DVL3: variants seen among roughly 807,000 people sequenced by gnomAD.
The protein encoded by DVL3 is dishevelled segment polarity protein 3.
DVL3 carries 27 observed loss-of-function variants against 67.4 expected under a neutral mutation model. The ratio of observed to expected loss-of-function variants is 0.40; its 90% CI spans 0.30 to 0.55. The LOEUF is 0.55. Ranked by LOEUF, DVL3 falls within the 20% of genes least tolerant of loss-of-function variation. The pLI is 0.46. For missense variants in DVL3, 819 were observed against 1,021.5 expected (o/e 0.80, Z 2.70); for synonymous variants, 369 against 396.8 (o/e 0.93, Z 0.83).
Position 184,166,762 on chromosome 3 carries a change from T to G in DVL3, c.1049-64T>G. The G allele has an allele frequency of 6.2e-7, 1 of 1,613,020 alleles. No homozygotes were observed. The highest frequency in any genetic ancestry group is 8.5e-7 in the Non-Finnish European group (1 of 1,179,342). ...TCTTCTCTCACCCAGAACCCCCATATCTATCCTGTTGGGCCCAGCAGTGGG... is the reference window on the plus strand; with the variant it reads ...TCTTCTCTCACCCAGAACCCCCATAGCTATCCTGTTGGGCCCAGCAGTGGG... On this transcript the variant is annotated intron_variant, in intron 10 of 14. Coordinates refer to ENST00000313143, the MANE Select transcript of DVL3 (RefSeq NM_004423.4). This position sits in a 1 kb window ranked among gnomAD's most constrained non-coding sequence, Gnocchi z 6.7.
rs1186495087 is a variant in DVL3 at position 184,166,543 on chromosome 3, T to C, written c.980+21T>C. ...CCGGGGTATGGATGGAATGGGGCAC[T>C]GGGCAAGGGGCTTGGTCTGGCCTAT... On this transcript the variant is annotated intron_variant, in intron 9 of 14. Coordinates refer to ENST00000313143, the MANE Select transcript of DVL3 (RefSeq NM_004423.4). This position sits in a 1 kb window ranked among gnomAD's most constrained non-coding sequence, Gnocchi z 6.7. 6.2e-7 allele frequency: 1 copy of C among 1,614,136 alleles called. No individual in the cohort carries two copies. Among genetic ancestry groups the C allele is most frequent in the Admixed American group, 1.7e-5 (1 of 60,014 alleles).
intron 1 of DVL3, chr3:184,156,531 T>C (rs2109017242): frequency 2.2e-6 from 1 of 453,812 alleles, no homozygotes; most frequent in African/African-American, 2.0e-5. Flanking sequence ...GGGGCCTGGG[T>C]GGGATAGCCA....
At position 184,166,322 on chromosome 3, in the gene DVL3, A is replaced by G. The variant is rs572345636; in HGVS notation, c.903+57A>G. The G allele has an allele frequency of 1.9e-6, 3 of 1,606,314 alleles. No homozygotes were observed. The highest frequency in any genetic ancestry group is 2.2e-5 in the East Asian group (1 of 44,788). ...ATAGAGGGCAGGGAGGTGTCCTACC[A>G]TCTGTACCCTGCTCCTTCAGAGGCC... On this transcript the variant is annotated intron_variant, in intron 8 of 14. Transcript: ENST00000313143. The surrounding 1 kb of genome is among the most constrained non-coding windows in gnomAD (Gnocchi z 6.7).
At position 184,155,929 on chromosome 3, in the gene DVL3, A is replaced by ATTTGGGCCCC. The variant is rs1577042721; in HGVS notation, c.161+139_161+148dup. The ATTTGGGCCCC allele has an allele frequency of 3.5e-6, 4 of 1,134,474 alleles. No individual in the cohort carries two copies. The East Asian group carries it at 1.0e-4, about 29-fold the overall frequency. 70.3% of individuals were successfully genotyped at this position (1,134,474 alleles called of 1,614,324 possible). A position where few individuals can be genotyped will look rare whatever the true frequency, so the allele number is the denominator to read the frequency against. ...CTGACTTCTAGGGGCGACTCGGCCC[A>ATTTGGGCCCC]TTTGGGCCCCTTTGGTTCCAGCCCC... On this transcript the variant is annotated intron_variant, in intron 1 of 14. Transcript: ENST00000313143. This position sits in a 1 kb window ranked among gnomAD's most constrained non-coding sequence, Gnocchi z 5.4.
Position 184,170,292 on chromosome 3 carries a change from C to G in DVL3, c.1715-27C>G, listed in dbSNP as rs758154679. On this transcript the variant is annotated intron_variant, in intron 14 of 14. Transcript: ENST00000313143. The surrounding 1 kb of genome is among the most constrained non-coding windows in gnomAD (Gnocchi z 6.5). Reference sequence around the variant, plus strand: ...CTTCCCCCGCCCGCTCAGCCTGCCCCACCCCGGCCCTGTTTGCCTCCTACA... The same window carrying G: ...CTTCCCCCGCCCGCTCAGCCTGCCCGACCCCGGCCCTGTTTGCCTCCTACA... The G allele has an allele frequency of 2.6e-5, 41 of 1,591,110 alleles. No homozygotes were observed. Among genetic ancestry groups the G allele is most frequent in the Non-Finnish European group, 3.3e-5 (39 of 1,168,482 alleles).
chr3:184,165,011 G>C lies in DVL3; in HGVS notation c.599+80G>C. ...AACCCTGAGGATGCGGGGCCCCTGG[G>C]AGGCTTATGGGCTTTGTGTTGGGGA... On this transcript the variant is annotated intron_variant, in intron 5 of 14. Transcript: ENST00000313143. This position sits in a 1 kb window ranked among gnomAD's most constrained non-coding sequence, Gnocchi z 4.1. The C allele has an allele frequency of 6.2e-7, 1 of 1,609,328 alleles. No individual in the cohort carries two copies. The highest frequency in any genetic ancestry group is 8.5e-7 in the Non-Finnish European group (1 of 1,177,218).
chr3:184,169,602 C>T (rs1484084066), intron 13 of DVL3, among the ~76,000 whole-genome samples: 1 of 152,120 alleles, frequency 6.6e-6, no homozygotes, highest in Non-Finnish European at 1.5e-5. Context: ...GCAGGAGAAT[C>T]GCTTAAACCA....
At position 184,171,003 on chromosome 3, in the gene DVL3, C is replaced by T; in HGVS notation, c.*248C>T. 6.8e-7 allele frequency: 1 copy of T among 1,462,914 alleles called. No homozygotes were observed. The highest frequency in any genetic ancestry group is 9.1e-7 in the Non-Finnish European group (1 of 1,102,556). The allele number at this position is 1,462,914 out of a possible 1,614,324, so 90.6% of individuals were successfully genotyped here. ...CCACTAATCCCTGCGCAGGACTTCC[C>T]AGGACCCCTTTTGTCTCTGGGACCA... is the stretch of plus-strand genomic sequence containing the variant. On this transcript the variant is annotated 3_prime_UTR_variant, in exon 15 of 15. Coordinates refer to ENST00000313143, the MANE Select transcript of DVL3 (RefSeq NM_004423.4).
intron 1 of DVL3, among the ~76,000 whole-genome samples, chr3:184,158,140 G>A (rs1714259259): frequency 1.3e-5 from 2 of 152,124 alleles, no homozygotes; most frequent in African/African-American, 2.4e-5. Context: ...TCTGAGACCA[G>A]CCTTGGCAAC....
intron 13 of DVL3, 80 bp downstream of exon 13, chr3:184,168,145 G>A (rs1253212402): frequency 2.0e-6 from 3 of 1,526,452 alleles, no homozygotes; most frequent in Non-Finnish European, 2.7e-6. Context: ...GCAGACTCTG[G>A]GGAACCCAAA....
At chr3:184,156,431 A>C (rs1430662144) in intron 1 of DVL3, 2 of 456,716 alleles carry the variant, frequency 4.4e-6, no homozygotes, top group Non-Finnish European at 8.8e-6. Flanking sequence ...CCTGCGGAGT[A>C]GTCCTCACTG....
In DVL3 at chr3:184,166,114, T is replaced by G. The variant is rs769700978; in HGVS notation, c.764-12T>G. The G allele has an allele frequency of 2.1e-5, 34 of 1,611,378 alleles. No individual in the cohort carries two copies. Among genetic ancestry groups the G allele is most frequent in the Non-Finnish European group, 2.9e-5 (34 of 1,179,446 alleles). On this transcript the variant is annotated splice_polypyrimidine_tract_variant and intron_variant, in intron 7 of 14. Coordinates refer to ENST00000313143, the MANE Select transcript of DVL3 (RefSeq NM_004423.4). The surrounding 1 kb of genome is among the most constrained non-coding windows in gnomAD (Gnocchi z 6.7). ...CTTGCTCCCCCTTAAGGTCTTAAAT[T>G]ACTCTCTATAGAAAAATATAACTTC...
Position 184,170,823 on chromosome 3 carries a change from C to T in DVL3, c.*68C>T, listed in dbSNP as rs778731787. On this transcript the variant is annotated 3_prime_UTR_variant, in exon 15 of 15. Coordinates refer to ENST00000313143, the MANE Select transcript of DVL3 (RefSeq NM_004423.4). The surrounding 1 kb of genome is among the most constrained non-coding windows in gnomAD (Gnocchi z 6.5). ...GGCTGCGTTCCTCTCTCCATCCGTC[C>T]GTCTTTTTTACTTTGTCTGGTACCT... 33 of 1,588,940 alleles carry T rather than the reference C, an allele frequency of 2.1e-5. No homozygotes were observed. The highest frequency in any genetic ancestry group is 2.7e-5 in the Non-Finnish European group (32 of 1,168,342).
Position 184,166,147 on chromosome 3 carries a change from TC to T in DVL3, c.786del (p.Ser263ProfsTer20), listed in dbSNP as rs1414951561. On this transcript the variant is annotated frameshift_variant, in exon 8 of 15. Transcript: ENST00000313143. LOFTEE classifies it high-confidence loss of function. The surrounding 1 kb of genome is among the most constrained non-coding windows in gnomAD (Gnocchi z 6.7). ...LNMEKYNFLG[I>X]SIVGQSNERG... ...ATAGAAAAATATAACTTCTTGGGCATCTCCATTGTGGGCCAAAGCAACGAGC... is the reference window on the plus strand; with the variant it reads ...ATAGAAAAATATAACTTCTTGGGCATTCCATTGTGGGCCAAAGCAACGAGC... 1 of 1,613,598 alleles carries T rather than the reference TC, an allele frequency of 6.2e-7. No homozygotes were observed.
chr3:184,170,174 T>G lies in DVL3; in HGVS notation c.1667T>G (p.Leu556Arg), dbSNP rs1171530950. Residue 556 changes from leucine (L) to arginine (R), a missense_variant, in exon 14 of 15, where the codon CTG (leucine) becomes CGG (arginine). Transcript: ENST00000313143. This position sits in a 1 kb window ranked among gnomAD's most constrained non-coding sequence, Gnocchi z 6.5. ...AACCCGCACCCGGGCTTCCCGGAGC[T>G]GGGCTACAGCTACGGCGGGGGCAGC... ...PYNPHPGFPE[L>R]GYSYGGGSAS... 1.9e-6 allele frequency: 3 copies of G among 1,613,492 alleles called. No homozygotes were observed. The highest frequency in any genetic ancestry group is 2.5e-6 in the Non-Finnish European group (3 of 1,179,916).
chr3:184,172,535 A>G lies in DVL3; in HGVS notation c.*1780A>G, dbSNP rs912609594. 2 of 152,182 alleles carry G rather than the reference A, an allele frequency of 1.3e-5. No individual in the cohort carries two copies. Among genetic ancestry groups the G allele is most frequent in the African/African-American group, 4.8e-5 (2 of 41,414 alleles). The allele number at this position is 152,182 out of a possible 1,614,324, so 9.4% of individuals were successfully genotyped here. ...GATCACTTGAGGTCGGGAGTTCGAG[A>G]CCAGCCTGGCCAACATAGCAAAACC... On this transcript the variant is annotated 3_prime_UTR_variant, in exon 15 of 15. Transcript: ENST00000313143.
chr3:184,155,433 G>T lies in DVL3; in HGVS notation c.-203G>T. The T allele has an allele frequency of 6.2e-6, 1 of 160,698 alleles. No individual in the cohort carries two copies. Among genetic ancestry groups the T allele is most frequent in the Non-Finnish European group, 1.3e-5 (1 of 76,434 alleles). 10.0% of individuals were successfully genotyped at this position (160,698 alleles called of 1,614,324 possible). On this transcript the variant is annotated 5_prime_UTR_variant, in exon 1 of 15. Coordinates refer to ENST00000313143, the MANE Select transcript of DVL3 (RefSeq NM_004423.4). This position sits in a 1 kb window ranked among gnomAD's most constrained non-coding sequence, Gnocchi z 5.4. The stretch of plus-strand genomic sequence containing the variant: ...CGCGGTCGCCAGTCCAGTCGGGAGA[G>T]TGGGGAGCGGAAGCGGCGGCCGCGG...
In DVL3 at chr3:184,166,411, C is replaced by T; in HGVS notation, c.904-35C>T. 6.2e-7 allele frequency: 1 copy of T among 1,613,510 alleles called. No individual in the cohort carries two copies. Among genetic ancestry groups the T allele is most frequent in the East Asian group, 2.2e-5 (1 of 44,872 alleles). ...TGAGTTCCCTTTTCATCCTCCCCAG[C>T]ACAGCTGTTTATCCCACTCCTGGTC... On this transcript the variant is annotated intron_variant, in intron 8 of 14. Transcript: ENST00000313143. The surrounding 1 kb of genome is among the most constrained non-coding windows in gnomAD (Gnocchi z 6.7).
chr3:184,170,507 C>G lies in DVL3; in HGVS notation c.1903C>G (p.Arg635Gly). The G allele has an allele frequency of 6.2e-7, 1 of 1,604,576 alleles. No homozygotes were observed. Among genetic ancestry groups the G allele is most frequent in the Non-Finnish European group, 8.5e-7 (1 of 1,175,600 alleles). Residue 635 changes from arginine to glycine, a missense_variant, in exon 15 of 15, where the codon CGC (arginine) becomes GGC (glycine). This residue lies in a region of DVL3 where 324 missense variants were observed against 331.3 expected (regional missense o/e 0.98). Coordinates refer to ENST00000313143, the MANE Select transcript of DVL3 (RefSeq NM_004423.4). The surrounding 1 kb of genome is among the most constrained non-coding windows in gnomAD (Gnocchi z 6.5). ...GCCGGCGGCCAGCGAGCACAGCCAC[C>G]GCAGCCACCATTCCCTGGCCAGCAG... is the stretch of plus-strand genomic sequence containing the variant. ...SGPAASEHSH[R>G]SHHSLASSLR...
Sources: gnomAD v4.1 joint callset for allele counts (sites outside exome capture counted in the v4.1 genomes callset) on GRCh38, gnomAD v4.1.1 for gene constraint, gnomAD v4.1.1 regional missense constraint, Gnocchi (gnomAD v3.1) non-coding constraint, MANE v1.5 for transcripts, NCBI Gene and HGNC (gene_info 2026-07-23, HGNC 2026-07-21) for gene names.